Variants in TMEM26 observed in about 807,000 individuals in gnomAD.
TMEM26 encodes the protein transmembrane protein 26.
Under a neutral mutation model 28.8 loss-of-function variants are expected in TMEM26, and 38 were observed. The observed-to-expected ratio is 1.32, with a 90% CI of 1.02 to 1.73. TMEM26 has a LOEUF of 1.73. Ranked by LOEUF, TMEM26 falls within the 40% of genes most tolerant of loss-of-function variation. The probability of loss-of-function intolerance (pLI) is 0.00; values close to 1 mark genes in which losing one functional copy is unlikely to be tolerated. For missense variants in TMEM26, 518 were observed against 447.1 expected (o/e 1.16, Z -1.43); for synonymous variants, 227 against 182.9 (o/e 1.24, Z -1.95).
At chr10:61,429,525 T>C (rs865949413) in intron 3 of TMEM26, among the ~76,000 whole-genome samples, 9 of 151,518 alleles carry the variant, frequency 5.9e-5, no homozygotes, top group African/African-American at 2.2e-4. Context: ...AAAAACTTCC[T>C]ATATTTTTCT....
chr10:61,412,879 C>T, intron 5 of TMEM26: 1 of 1,233,190 alleles, frequency 8.1e-7, no homozygotes, highest in Admixed American at 2.6e-5. Flanking sequence ...AAACAGATTA[C>T]TTCTTGCAAA....
At chr10:61,428,094 G>C (rs1424368524) in intron 4 of TMEM26, among the ~76,000 whole-genome samples, 1 of 152,070 alleles carries the variant, frequency 6.6e-6, no homozygotes, top group Non-Finnish European at 1.5e-5. Flanking sequence ...GTAAGTTAGT[G>C]TATTTCGTTG....
At chr10:61,418,266 C>T (rs1461738803) in intron 4 of TMEM26, among the ~76,000 whole-genome samples, 3 of 151,926 alleles carry the variant, frequency 2.0e-5, no homozygotes, top group Non-Finnish European at 2.9e-5. Flanking sequence ...TTTGATTAGG[C>T]CACTTGTGTT....
In TMEM26 at chr10:61,453,329, C is replaced by T. The variant is rs1440509543; in HGVS notation, c.-248G>A. The T allele has an allele frequency of 1.0e-5, 5 of 478,208 alleles. No homozygotes were observed. The highest frequency in any genetic ancestry group is 1.9e-5 in the Non-Finnish European group (5 of 262,004). 29.6% of individuals were successfully genotyped at this position (478,208 alleles called of 1,614,324 possible). On this transcript the variant is annotated 5_prime_UTR_variant, in exon 1 of 6. Coordinates refer to ENST00000399298, the MANE Select transcript of TMEM26 (RefSeq NM_178505.8). ...AGCTTTTCCAGACTGCTGGGTTTTCCAGGGAGTCTGGGGCTGCGCTGCCCT... is the reference window on the plus strand; with the variant it reads ...AGCTTTTCCAGACTGCTGGGTTTTCTAGGGAGTCTGGGGCTGCGCTGCCCT...
At position 61,408,614 on chromosome 10, in the gene TMEM26, G is replaced by C. The variant is rs1490560028; in HGVS notation, c.*1708C>G. On this transcript the variant is annotated 3_prime_UTR_variant, in exon 6 of 6. Coordinates refer to ENST00000399298, the MANE Select transcript of TMEM26 (RefSeq NM_178505.8). ...AGCAGTTATTATTTTGCTTTCAACTGCTGAGCACTTCAAATAACATGCCCT... is the reference window on the plus strand; with the variant it reads ...AGCAGTTATTATTTTGCTTTCAACTCCTGAGCACTTCAAATAACATGCCCT... 6.6e-6 allele frequency: 1 copy of C among 152,180 alleles called. No homozygotes were observed. The highest frequency in any genetic ancestry group is 2.4e-5 in the African/African-American group (1 of 41,442). 9.4% of individuals were successfully genotyped at this position (152,180 alleles called of 1,614,324 possible).
chr10:61,440,728 T>C (rs1053592221), intron 1 of TMEM26, among the ~76,000 whole-genome samples: 2 of 152,304 alleles, frequency 1.3e-5, no homozygotes, highest in South Asian at 2.1e-4. Flanking sequence ...TAATTACATA[T>C]GTGCATATGT....
chr10:61,443,094 G>T (rs1840121116), intron 1 of TMEM26, among the ~76,000 whole-genome samples: 1 of 151,972 alleles, frequency 6.6e-6, no homozygotes, highest in Non-Finnish European at 1.5e-5. Context: ...CAACTAAATG[G>T]CCAAGAGCTA....
At chr10:61,450,687 T>A (rs1051762597) in intron 1 of TMEM26, among the ~76,000 whole-genome samples, 1 of 152,074 alleles carries the variant, frequency 6.6e-6, no homozygotes, top group Non-Finnish European at 1.5e-5. Context: ...GTAGATACTA[T>A]GCCAGCAAGA....
chr10:61,415,183 G>A (rs1839631358), intron 4 of TMEM26: 1 of 984,236 alleles, frequency 1.0e-6, no homozygotes, highest in Non-Finnish European at 1.2e-6. Context: ...TTGGATAGAA[G>A]AAAGAGCATT....
At chr10:61,434,406 T>C (rs1453317003) in intron 2 of TMEM26, among the ~76,000 whole-genome samples, 2 of 152,220 alleles carry the variant, frequency 1.3e-5, no homozygotes, top group African/African-American at 4.8e-5. Context: ...GCAACAAATT[T>C]ATATTATAAA....
At chr10:61,430,164 T>C (rs4948455) in intron 3 of TMEM26, among the ~76,000 whole-genome samples, 1,979 of 152,126 alleles carry the variant, frequency 0.013, 74 homozygotes, top group East Asian at 0.076. Flanking sequence ...GATTGTCAGA[T>C]GAAAAACTGA....
At chr10:61,422,026 GA>G (rs1839757794) in intron 4 of TMEM26, among the ~76,000 whole-genome samples, 1 of 151,996 alleles carries the variant, frequency 6.6e-6, no homozygotes, top group Non-Finnish European at 1.5e-5. Flanking sequence ...ATTTGTAGGA[GA>G]CAAAATTGAC....
In TMEM26 at chr10:61,415,953, C is replaced by A. The variant is rs1337178559; in HGVS notation, c.606-2418G>T. 8 of 353,754 alleles carry A rather than the reference C, an allele frequency of 2.3e-5. No individual in the cohort carries two copies. The East Asian group carries it at 6.3e-4, about 28-fold the overall frequency. 21.9% of individuals were successfully genotyped at this position (353,754 alleles called of 1,614,324 possible). ...AATGTGGAAAAGGAATGAAACATTT[C>A]TTTTGACTTGAGATGGCCAATTCAG... On this transcript the variant is annotated intron_variant, in intron 4 of 5. Coordinates refer to ENST00000399298, the MANE Select transcript of TMEM26 (RefSeq NM_178505.8).
chr10:61,425,247 G>A (rs965117727), intron 4 of TMEM26, among the ~76,000 whole-genome samples: 5 of 152,092 alleles, frequency 3.3e-5, no homozygotes, highest in Admixed American at 1.3e-4. Flanking sequence ...ACCTGCTCCC[G>A]TAACTCAGTC....
chr10:61,449,966 G>A (rs1220303705), intron 1 of TMEM26, among the ~76,000 whole-genome samples: 1 of 152,006 alleles, frequency 6.6e-6, no homozygotes, highest in African/African-American at 2.4e-5. Flanking sequence ...GAGTTTAGTG[G>A]TTAAAATCTA....
chr10:61,421,223 T>C (rs900421006), intron 4 of TMEM26, among the ~76,000 whole-genome samples: 1 of 151,660 alleles, frequency 6.6e-6, no homozygotes, highest in South Asian at 2.1e-4. Flanking sequence ...ATGGAGAAAT[T>C]AACAAGAAAT....
chr10:61,452,956 G>A lies in TMEM26; in HGVS notation c.126C>T (p.Leu42=), dbSNP rs1246934389. 6.2e-7 allele frequency: 1 copy of A among 1,614,096 alleles called. No individual in the cohort carries two copies. Among genetic ancestry groups the A allele is most frequent in the Admixed American group, 1.7e-5 (1 of 60,028 alleles). The change falls in exon 1 of 6, where the codon CTC becomes CTT. Residue 42 remains leucine, a synonymous_variant. Coordinates refer to ENST00000399298, the MANE Select transcript of TMEM26 (RefSeq NM_178505.8). ...CAGTCTCCAGGAAGAGCAAGAGGTTGAGCAGCGCAAGCAGCCAGTACCGCG... is the reference window on the plus strand; with the variant it reads ...CAGTCTCCAGGAAGAGCAAGAGGTTAAGCAGCGCAAGCAGCCAGTACCGCG... ...KEPRYWLLAL[L]NLLLFLETAL...
chr10:61,438,600 C>A (rs967020250), intron 1 of TMEM26, among the ~76,000 whole-genome samples: 1 of 152,148 alleles, frequency 6.6e-6, no homozygotes, highest in Admixed American at 6.5e-5. Context: ...CCCTTAACAT[C>A]TTCTATGCAT....
intron 4 of TMEM26, among the ~76,000 whole-genome samples, chr10:61,422,886 G>A (rs527265783): frequency 1.3e-5 from 2 of 152,182 alleles, no homozygotes; most frequent in East Asian, 3.9e-4. Flanking sequence ...CCAAAGGCTG[G>A]CTATGTCTAA....
Sources: allele counts gnomAD v4.1 joint callset (sites outside exome capture counted in the v4.1 genomes callset), GRCh38; gene constraint gnomAD v4.1.1; transcripts MANE v1.5; gene names NCBI Gene and HGNC (gene_info 2026-07-23, HGNC 2026-07-21).